CALN1: variants seen among roughly 807,000 people sequenced by gnomAD.
CALN1 encodes the protein calcium-binding protein 8.
CALN1 carries 17 observed loss-of-function variants against 30.6 expected under a neutral mutation model. That is an observed-to-expected ratio of 0.56 (90% confidence interval 0.38 to 0.83). CALN1 has a LOEUF of 0.83. Among genes scored for constraint, CALN1 ranks in the 40% least tolerant of loss-of-function variants. The pLI, the probability that CALN1 is intolerant of heterozygous loss-of-function variation, is 0.00. For synonymous variants in CALN1, 156 were observed against 131.4 expected (o/e 1.19, Z -1.28); for missense variants, 291 against 354.9 (o/e 0.82, Z 1.45).
intron 5 of CALN1, among the ~76,000 whole-genome samples, chr7:71,949,250 A>G (rs1191026469): frequency 6.6e-6 from 1 of 152,110 alleles, no homozygotes; most frequent in Admixed American, 6.6e-5. Flanking sequence ...AATCAAATGG[A>G]AACACTTCAG....
chr7:72,392,497 A>G (rs961043705), intron 2 of CALN1, among the ~76,000 whole-genome samples: 2 of 152,310 alleles, frequency 1.3e-5, no homozygotes, highest in Non-Finnish European at 2.9e-5. Flanking sequence ...ACATAGTGAA[A>G]CAGGACTGAA....
At chr7:71,974,321 G>A (rs1291627768) in intron 5 of CALN1, among the ~76,000 whole-genome samples, 1 of 150,522 alleles carries the variant, frequency 6.6e-6, no homozygotes, top group Admixed American at 6.7e-5. Context: ...AGGAGATTGA[G>A]GCAGGAGAAT....
intron 4 of CALN1, among the ~76,000 whole-genome samples, chr7:72,046,620 G>C (rs1027995283): frequency 7.1e-6 from 1 of 140,196 alleles, no homozygotes; most frequent in African/African-American, 2.6e-5. Context: ...TGAGGCAGAA[G>C]TATCACTTGA....
intron 2 of CALN1, among the ~76,000 whole-genome samples, chr7:72,341,406 C>A (rs1802377987): frequency 6.6e-6 from 1 of 152,112 alleles, no homozygotes; most frequent in Non-Finnish European, 1.5e-5. Context: ...GCCTGTAATC[C>A]CAGCTACTTT....
chr7:72,386,114 G>A (rs377513914), intron 2 of CALN1, among the ~76,000 whole-genome samples: 3 of 152,226 alleles, frequency 2.0e-5, no homozygotes, highest in African/African-American at 7.2e-5. Context: ...AAGAGGTGGA[G>A]CAGAGGCATT....
At chr7:72,291,550 G>A (rs1798478810) in intron 2 of CALN1, among the ~76,000 whole-genome samples, 1 of 152,184 alleles carries the variant, frequency 6.6e-6, no homozygotes, top group Non-Finnish European at 1.5e-5. Flanking sequence ...ACATCCCCTG[G>A]AACACTGGCT....
At chr7:72,427,638 T>C (rs539360711) in intron 1 of CALN1, among the ~76,000 whole-genome samples, 15 of 152,078 alleles carry the variant, frequency 9.9e-5, no homozygotes, top group Non-Finnish European at 1.8e-4. Flanking sequence ...CCACCACACA[T>C]GGCAATTTAT....
chr7:72,400,154 T>G (rs1585664624), intron 2 of CALN1, among the ~76,000 whole-genome samples: 1 of 152,034 alleles, frequency 6.6e-6, no homozygotes, highest in East Asian at 1.9e-4. Context: ...TACATGGGGG[T>G]GAGGAGGCAC....
At chr7:71,872,856 C>T (rs900126609) in intron 5 of CALN1, among the ~76,000 whole-genome samples, 3 of 151,828 alleles carry the variant, frequency 2.0e-5, no homozygotes, top group Non-Finnish European at 2.9e-5. Context: ...TCAAGCCATC[C>T]TCCCGCCTTA....
upstream of CALN1, among the ~76,000 whole-genome samples, chr7:72,416,734 C>CAAAAA (rs4029798): frequency 2.6e-5 from 2 of 77,696 alleles, no homozygotes; most frequent in Non-Finnish European, 4.5e-5. Flanking sequence ...GACTCTGTCT[C>CAAAAA]AAAAAAAAAA....
chr7:72,314,074 T>G lies in CALN1; in HGVS notation c.120-35264A>C, dbSNP rs117183115. Among the ~76,000 whole-genome samples the G allele has an allele frequency of 2.1e-3, 327 of 152,142 alleles. 2 individuals are homozygous for G. Among genetic ancestry groups the G allele is most frequent in the Middle Eastern group, 0.01 (3 of 292 alleles). On this transcript the variant is annotated intron_variant, in intron 2 of 6. Transcript: ENST00000395275. ...GCCTGCAGGCCAGCCTTGGCAGCAA[T>G]GAATAAGAGGACACACCAGGCCCAG...
intron 5 of CALN1, among the ~76,000 whole-genome samples, chr7:71,930,440 GT>G (rs1795491302): frequency 6.6e-6 from 1 of 152,070 alleles, no homozygotes; most frequent in Admixed American, 6.6e-5. Context: ...CATTGAAAGA[GT>G]TCTTTATACA....
intron 5 of CALN1, among the ~76,000 whole-genome samples, chr7:72,018,662 T>C (rs1384095571): frequency 1.3e-5 from 2 of 152,140 alleles, no homozygotes; most frequent in African/African-American, 2.4e-5. Flanking sequence ...TGTAGCCAAC[T>C]ATATTCCCCC....
chr7:72,225,221 C>CT (rs1296627804), intron 3 of CALN1, among the ~76,000 whole-genome samples: 2 of 152,082 alleles, frequency 1.3e-5, no homozygotes, highest in Non-Finnish European at 2.9e-5. Context: ...CCGGGCTCGG[C>CT]TTTCACGTCT....
At chr7:72,451,430 A>C (rs1585742946), upstream of CALN1, among the ~76,000 whole-genome samples, 1 of 119,774 alleles carries the variant, frequency 8.3e-6, no homozygotes, top group Non-Finnish European at 1.8e-5. Context: ...GATTTGGGGA[A>C]GGGGGAGGAG....
intron 3 of CALN1, among the ~76,000 whole-genome samples, chr7:72,130,604 C>T (rs937850779): frequency 1.4e-4 from 21 of 152,012 alleles, no homozygotes; most frequent in African/African-American, 5.1e-4. Flanking sequence ...CTGGATAATA[C>T]ATAAGAAACA....
chr7:71,899,897 T>C (rs1038389193), intron 5 of CALN1, among the ~76,000 whole-genome samples: 5 of 152,216 alleles, frequency 3.3e-5, no homozygotes, highest in African/African-American at 7.2e-5. Flanking sequence ...ATGTAAGCTC[T>C]AGAAGGACTG....
At chr7:72,060,688 G>C (rs888988357) in intron 4 of CALN1, among the ~76,000 whole-genome samples, 4 of 152,114 alleles carry the variant, frequency 2.6e-5, no homozygotes, top group African/African-American at 9.7e-5. Flanking sequence ...CTTCATAAAT[G>C]GCTTGGTGCT....
At chr7:71,988,711 G>A (rs900490853) in intron 5 of CALN1, among the ~76,000 whole-genome samples, 108 of 152,290 alleles carry the variant, frequency 7.1e-4, no homozygotes, top group African/African-American at 2.5e-3. Context: ...AGGCACAGAC[G>A]CTGACCCGGG....
Sources: gnomAD v4.1 joint callset for allele counts (sites outside exome capture counted in the v4.1 genomes callset) on GRCh38, gnomAD v4.1.1 for gene constraint, MANE v1.5 for transcripts, NCBI Gene and HGNC (gene_info 2026-07-23, HGNC 2026-07-21) for gene names.